SBF2: variants seen among roughly 807,000 people sequenced by gnomAD.
The protein encoded by SBF2 is SET binding factor 2.
A neutral mutation model predicts 225.2 loss-of-function variants in SBF2; 112 were observed. That is an observed-to-expected ratio of 0.50 (90% CI 0.43 to 0.58). The LOEUF (loss-of-function observed/expected upper bound fraction) is 0.58. SBF2 is among the 20% of genes least tolerant of loss of function. The probability of loss-of-function intolerance (pLI) is 0.00; values close to 1 mark genes in which losing one functional copy is unlikely to be tolerated. For missense variants in SBF2, 1,996 were observed against 2,206.2 expected (o/e 0.90, Z 1.91); for synonymous variants, 763 against 773.3 (o/e 0.99, Z 0.22).
chr11:9,830,753 A>C (rs7951573), intron 27 of SBF2, among the ~76,000 whole-genome samples: 12,920 of 151,430 alleles, frequency 0.085, 648 homozygotes, highest in East Asian at 0.15. Flanking sequence ...AACAAAAAAA[A>C]AAAAACAAAA....
intron 16 of SBF2, chr11:9,961,372 A>T (rs1186376013): frequency 1.3e-5 from 2 of 152,250 alleles, no homozygotes; most frequent in African/African-American, 4.8e-5. Context: ...ATTACCTCTC[A>T]ACAGAATGCC....
intron 17 of SBF2, among the ~76,000 whole-genome samples, chr11:9,860,712 C>A (rs1857666769): frequency 6.6e-6 from 1 of 152,142 alleles, no homozygotes; most frequent in Non-Finnish European, 1.5e-5. Context: ...ATACTCAGGG[C>A]AGTACCATTT....
At chr11:9,942,741 G>A (rs778399679) in intron 16 of SBF2, among the ~76,000 whole-genome samples, 1 of 152,036 alleles carries the variant, frequency 6.6e-6, no homozygotes, top group Non-Finnish European at 1.5e-5. Context: ...TGAGGTGAGA[G>A]GATCACCTGA....
At chr11:10,179,021 A>T (rs1463969737) in intron 2 of SBF2, among the ~76,000 whole-genome samples, 3 of 142,356 alleles carry the variant, frequency 2.1e-5, no homozygotes, top group Non-Finnish European at 4.6e-5. Flanking sequence ...GCCATAAAAA[A>T]TGATGAGTTC....
At chr11:9,941,430 C>T (rs994595212) in intron 16 of SBF2, among the ~76,000 whole-genome samples, 1 of 152,132 alleles carries the variant, frequency 6.6e-6, no homozygotes, top group Non-Finnish European at 1.5e-5. Flanking sequence ...TTCACTCTAA[C>T]ATAAAGTGTT....
chr11:10,064,724 GA>G (rs1950571591), intron 2 of SBF2, among the ~76,000 whole-genome samples: 1 of 152,004 alleles, frequency 6.6e-6, no homozygotes, highest in African/African-American at 2.4e-5. Context: ...TTAATCAAGA[GA>G]ACATAAAATC....
Position 9,779,174 on chromosome 11 carries a change from T to C in SBF2, c.*1244A>G, listed in dbSNP as rs748742364. 3.3e-5 allele frequency: 5 copies of C among 152,646 alleles called. No individual in the cohort carries two copies. Among genetic ancestry groups the C allele is most frequent in the Non-Finnish European group, 7.3e-5 (5 of 68,046 alleles). 9.5% of individuals were successfully genotyped at this position (152,646 alleles called of 1,614,324 possible). On this transcript the variant is annotated 3_prime_UTR_variant, in exon 40 of 40. Coordinates refer to ENST00000256190, the MANE Select transcript of SBF2 (RefSeq NM_030962.4). ...TTTTTAAAAGGGAACCATTTCATTA[T>C]TGAAATCTTATGAATGCATCAGTTA...
At chr11:9,904,469 T>C (rs1054801270) in intron 16 of SBF2, among the ~76,000 whole-genome samples, 2 of 152,068 alleles carry the variant, frequency 1.3e-5, no homozygotes, top group African/African-American at 2.4e-5. Flanking sequence ...AACTGACAGA[T>C]GTAAAAGGAA....
chr11:9,892,116 A>C (rs1860874484), intron 17 of SBF2, among the ~76,000 whole-genome samples: 1 of 152,246 alleles, frequency 6.6e-6, no homozygotes, highest in Non-Finnish European at 1.5e-5. Context: ...TTTTAAAAAA[A>C]ATTATTTTTA....
intron 13 of SBF2, among the ~76,000 whole-genome samples, chr11:9,973,008 A>C (rs1409245912): frequency 1.3e-5 from 2 of 152,222 alleles, no homozygotes; most frequent in African/African-American, 4.8e-5. Context: ...AGAAGATTCG[A>C]AAAAGACTTA....
chr11:10,102,795 T>C (rs1030894760), intron 2 of SBF2, among the ~76,000 whole-genome samples: 1 of 152,154 alleles, frequency 6.6e-6, no homozygotes, highest in African/African-American at 2.4e-5. Context: ...TCTTAGAAAA[T>C]TTATCTGCTG....
intron 15 of SBF2, 43 bp downstream of exon 15, chr11:9,963,730 G>A (rs1471177152): frequency 3.1e-6 from 3 of 955,932 alleles, no homozygotes; most frequent in Non-Finnish European, 5.0e-6. Flanking sequence ...AATCTGAAAG[G>A]GAAATGATAA....
chr11:10,259,199 A>C (rs1403041257), intron 1 of SBF2, among the ~76,000 whole-genome samples: 1 of 152,236 alleles, frequency 6.6e-6, no homozygotes, highest in East Asian at 1.9e-4. Flanking sequence ...TCAGGTGTTA[A>C]GAGCACAGGT....
At chr11:9,800,403 TTTAAA>T (rs1227396235) in intron 32 of SBF2, among the ~76,000 whole-genome samples, 1 of 151,974 alleles carries the variant, frequency 6.6e-6, no homozygotes, top group Admixed American at 6.5e-5. Flanking sequence ...TATTTATTTA[TTTAAA>T]TTATTATTAT....
At chr11:9,816,715 T>C (rs1854475576) in intron 29 of SBF2, 125 bp downstream of exon 29, 1 of 758,304 alleles carries the variant, frequency 1.3e-6, no homozygotes, top group African/African-American at 1.8e-5. Flanking sequence ...TTTTTTGAGA[T>C]TATTAACTCC....
intron 9 of SBF2, among the ~76,000 whole-genome samples, chr11:9,995,605 T>C (rs981514132): frequency 1.3e-5 from 2 of 152,126 alleles, no homozygotes; most frequent in African/African-American, 4.8e-5. Flanking sequence ...CTCTTTTTGG[T>C]CTAGTTTGAC....
intron 3 of SBF2, among the ~76,000 whole-genome samples, chr11:10,037,636 T>TAA (rs200090705): frequency 3.4e-5 from 5 of 147,794 alleles, no homozygotes; most frequent in East Asian, 2.0e-4. Flanking sequence ...CAACTTTTGT[T>TAA]AAAAAAAAAA....
At chr11:10,071,239 G>A (rs376780126) in intron 2 of SBF2, among the ~76,000 whole-genome samples, 19 of 148,944 alleles carry the variant, frequency 1.3e-4, no homozygotes, top group South Asian at 8.6e-4. Flanking sequence ...GTCTTGTGCC[G>A]GTTTTCTCTT....
At chr11:9,901,390 C>T (rs1437398357) in intron 16 of SBF2, among the ~76,000 whole-genome samples, 2 of 152,124 alleles carry the variant, frequency 1.3e-5, no homozygotes, top group African/African-American at 4.8e-5. Flanking sequence ...AATCCTGAGC[C>T]CTACAACCAA....
Sources: gnomAD v4.1 joint callset for allele counts (sites outside exome capture counted in the v4.1 genomes callset) on GRCh38, gnomAD v4.1.1 for gene constraint, MANE v1.5 for transcripts, NCBI Gene and HGNC (gene_info 2026-07-23, HGNC 2026-07-21) for gene names.